TENM2: variants seen among roughly 807,000 people sequenced by gnomAD.
The protein encoded by TENM2 is teneurin transmembrane protein 2, also known as teneurin-2.
A neutral mutation model predicts 245.2 loss-of-function variants in TENM2; 52 were observed. The observed-to-expected ratio is 0.21, with a 90% CI of 0.17 to 0.27. TENM2 has a LOEUF of 0.27. Among genes scored for constraint, TENM2 ranks in the 10% least tolerant of loss-of-function variants. The pLI is 1.00. For missense variants in TENM2, 3,046 were observed against 3,666.8 expected (o/e 0.83, Z 4.37); for synonymous variants, 1,363 against 1,438.9 (o/e 0.95, Z 1.19).
chr5:167,222,096 G>C, the TENM2 span, among the ~76,000 whole-genome samples: 1 of 152,098 alleles, frequency 6.6e-6, no homozygotes, highest in African/African-American at 2.4e-5. Context: ...AAAAAAATTG[G>C]CCCAGCTGAA....
intron 17 of TENM2, among the ~76,000 whole-genome samples, chr5:168,200,810 T>A (rs1471826050): frequency 6.6e-6 from 1 of 152,192 alleles, no homozygotes; most frequent in African/African-American, 2.4e-5. Context: ...TGTAGATTAA[T>A]CTTAACCTAC....
chr5:167,947,550 CTG>C (rs1366660205), intron 3 of TENM2, among the ~76,000 whole-genome samples: 2 of 152,202 alleles, frequency 1.3e-5, no homozygotes, highest in Non-Finnish European at 2.9e-5. Context: ...TAACCAGACA[CTG>C]TTATTCTTGA....
the TENM2 span, among the ~76,000 whole-genome samples, chr5:167,230,714 C>T: frequency 3.9e-5 from 6 of 152,166 alleles, no homozygotes; most frequent in African/African-American, 1.4e-4. Context: ...TGATACAAAG[C>T]CAGGATGGAG....
At chr5:168,109,853 C>T (rs1794533412) in intron 9 of TENM2, among the ~76,000 whole-genome samples, 1 of 152,118 alleles carries the variant, frequency 6.6e-6, no homozygotes, top group East Asian at 1.9e-4. Context: ...CCCTTTCCTC[C>T]CCAGTTTGGA....
chr5:168,155,569 T>C (rs939091395), intron 12 of TENM2, among the ~76,000 whole-genome samples: 1 of 152,164 alleles, frequency 6.6e-6, no homozygotes, highest in South Asian at 2.1e-4. Flanking sequence ...GCTGGAGTTT[T>C]GGCTGGTGGT....
chr5:167,321,457 C>T (rs1756716483), intron 1 of TENM2, among the ~76,000 whole-genome samples: 3 of 152,106 alleles, frequency 2.0e-5, no homozygotes. Context: ...TCCCCTTCTG[C>T]AGTCATAAGC....
At chr5:167,420,719 C>T (rs749619845) in intron 2 of TENM2, among the ~76,000 whole-genome samples, 6 of 152,252 alleles carry the variant, frequency 3.9e-5, no homozygotes, top group East Asian at 1.9e-4. Flanking sequence ...CATGATACCT[C>T]GTCTTTTTCC....
At chr5:167,959,119 A>G (rs1022987022) in intron 4 of TENM2, among the ~76,000 whole-genome samples, 3 of 151,698 alleles carry the variant, frequency 2.0e-5, no homozygotes, top group African/African-American at 7.3e-5. Flanking sequence ...AGGTACACCA[A>G]TCAAATGCAG....
At chr5:167,839,946 T>C (rs1769348194) in intron 2 of TENM2, among the ~76,000 whole-genome samples, 1 of 152,202 alleles carries the variant, frequency 6.6e-6, no homozygotes, top group Admixed American at 6.5e-5. Flanking sequence ...GCCTCCCAAG[T>C]AGCTGGGATT....
the TENM2 span, among the ~76,000 whole-genome samples, chr5:167,202,828 C>T: frequency 6.6e-6 from 1 of 152,134 alleles, no homozygotes; most frequent in Admixed American, 6.5e-5. Flanking sequence ...GCTCCCATTC[C>T]CTCTTCCCTG....
At chr5:167,844,136 A>G (rs1196231760) in intron 2 of TENM2, among the ~76,000 whole-genome samples, 1 of 152,164 alleles carries the variant, frequency 6.6e-6, no homozygotes, top group Non-Finnish European at 1.5e-5. Flanking sequence ...ATTTTAGGAG[A>G]ACCAGTGGGA....
At chr5:167,977,933 C>T (rs991687035) in intron 4 of TENM2, among the ~76,000 whole-genome samples, 3 of 152,106 alleles carry the variant, frequency 2.0e-5, no homozygotes, top group African/African-American at 7.2e-5. Context: ...GTGGATCTCT[C>T]ATGATCAACT....
chr5:168,215,525 C>G (rs562130471), intron 21 of TENM2, among the ~76,000 whole-genome samples: 137 of 152,114 alleles, frequency 9.0e-4, no homozygotes, highest in African/African-American at 3.1e-3. Flanking sequence ...AAAAATTAGC[C>G]GGGCGTGGCG....
intron 1 of TENM2, among the ~76,000 whole-genome samples, chr5:167,292,770 T>C (rs1754710958): frequency 6.6e-6 from 1 of 152,244 alleles, no homozygotes; most frequent in African/African-American, 2.4e-5. Flanking sequence ...AGGTACCTTA[T>C]AAAAAACACT....
chr5:168,126,907 G>A lies in TENM2; in HGVS notation c.2363G>A (p.Arg788Gln), dbSNP rs200354006. Residue 788 changes from arginine to glutamine, a missense_variant, in exon 12 of 29, where the codon CGA becomes CAA. By Grantham distance (43) the Arg-to-Gln change is conservative. This residue lies in a region of TENM2 where 2,704 missense variants were observed against 3,331.9 expected (regional missense o/e 0.81). Coordinates refer to ENST00000518659, the Ensembl canonical transcript of TENM2. ...TGTAAAGATGGCAAATGTGAATGCC[G>A]AGAGGGCTGGAATGGTGAACACTGC... 122 of 1,608,396 alleles carry A rather than the reference G, an allele frequency of 7.6e-5. No homozygotes were observed. Among genetic ancestry groups the A allele is most frequent in the Non-Finnish European group, 7.0e-5 (83 of 1,177,510 alleles).
chr5:167,601,618 T>A (rs1776641381), intron 2 of TENM2, among the ~76,000 whole-genome samples: 1 of 152,254 alleles, frequency 6.6e-6, no homozygotes, highest in East Asian at 1.9e-4. Flanking sequence ...TCCTTGATTT[T>A]AGTGTGTTCA....
At chr5:167,039,094 T>G in the TENM2 span, among the ~76,000 whole-genome samples, 3 of 152,204 alleles carry the variant, frequency 2.0e-5, no homozygotes, top group African/African-American at 7.2e-5. Flanking sequence ...TATTTAATTC[T>G]GTATGTCTTC....
chr5:167,820,873 A>G (rs956510219), intron 2 of TENM2, among the ~76,000 whole-genome samples: 4 of 152,220 alleles, frequency 2.6e-5, no homozygotes, highest in Non-Finnish European at 5.9e-5. Context: ...GAGAGGGACC[A>G]CAAACGCCAC....
At chr5:168,079,557 G>C (rs1278778435) in intron 7 of TENM2, among the ~76,000 whole-genome samples, 2 of 152,132 alleles carry the variant, frequency 1.3e-5, no homozygotes, top group Non-Finnish European at 2.9e-5. Context: ...TATGATATTG[G>C]CTGTGGGTTT....
Sources: allele counts gnomAD v4.1 joint callset (sites outside exome capture counted in the v4.1 genomes callset), GRCh38; gene constraint gnomAD v4.1.1; regional missense constraint gnomAD v4.1.1; transcripts MANE v1.5; gene names NCBI Gene and HGNC (gene_info 2026-07-23, HGNC 2026-07-21).